PIGQ: variants seen among roughly 807,000 people sequenced by gnomAD.
PIGQ encodes the protein phosphatidylinositol glycan anchor biosynthesis class Q.
A neutral mutation model predicts 60.3 loss-of-function variants in PIGQ; 54 were observed. The observed-to-expected ratio is 0.90, with a 90% CI of 0.72 to 1.12. PIGQ has a LOEUF of 1.12. Among genes scored for constraint, PIGQ ranks in the 50% most tolerant of loss-of-function variants. The probability of loss-of-function intolerance (pLI) is 0.00; values close to 1 mark genes in which losing one functional copy is unlikely to be tolerated. For synonymous variants in PIGQ, 416 were observed against 363.7 expected (o/e 1.14, Z -1.64); for missense variants, 799 against 793.5 (o/e 1.01, Z -0.08).
chr16:574,883 C>G, intron 2 of PIGQ, 120 bp downstream of exon 2: 1 of 778,302 alleles, frequency 1.3e-6, no homozygotes, highest in Non-Finnish European at 2.0e-6. Context: ...GGCCCCCTCC[C>G]ACTCCTGCAG....
In PIGQ at chr16:583,698, C is replaced by T. The variant is rs775073778; in HGVS notation, c.*663C>T. ...GTGGGGGCGGGAGCAGCCTCAGTGT[C>T]AAGGGCCCGCCCACTGACCCAGCCG... is the stretch of plus-strand genomic sequence containing the variant. On this transcript the variant is annotated 3_prime_UTR_variant, in exon 11 of 11. Coordinates refer to ENST00000321878, the MANE Select transcript of PIGQ (RefSeq NM_004204.5). 1.3e-6 allele frequency: 2 copies of T among 1,565,452 alleles called. No individual in the cohort carries two copies. The highest frequency in any genetic ancestry group is 1.7e-6 in the Non-Finnish European group (2 of 1,143,116).
At chr16:578,062 C>T in intron 4 of PIGQ, 1 of 274,590 alleles carries the variant, frequency 3.6e-6, no homozygotes, top group South Asian at 4.7e-5. Flanking sequence ...CCGAGGGCTC[C>T]AGTGGGTCCT....
chr16:581,430 C>A, intron 9 of PIGQ: 1 of 932,106 alleles, frequency 1.1e-6, no homozygotes, highest in South Asian at 3.4e-5. Flanking sequence ...TCCCTGCTTG[C>A]CGGACACCTG....
In PIGQ at chr16:574,524, C is replaced by G. The variant is rs1376784112; in HGVS notation, c.450C>G (p.Arg150=). 6.2e-7 allele frequency: 1 copy of G among 1,607,060 alleles called. No individual in the cohort carries two copies. Among genetic ancestry groups the G allele is most frequent in the Non-Finnish European group, 8.5e-7 (1 of 1,177,636 alleles). The change falls in exon 2 of 11, where the codon CGC becomes CGG. Residue 150 remains arginine, a synonymous_variant. Coordinates refer to ENST00000321878, the MANE Select transcript of PIGQ (RefSeq NM_004204.5). ...ACCTGCCCACCGTCCTGCCCGACCG[C>G]CAGGCTGGAGCCACCACTGCCAGCA... The part of the protein sequence containing the change: ...QLHLPTVLPD[R]QAGATTASTG...
chr16:574,802 TC>T, intron 2 of PIGQ, 39 bp downstream of exon 2: 1 of 1,430,732 alleles, frequency 7.0e-7, no homozygotes. Flanking sequence ...AAGAGTGGGG[TC>T]CCATGAGTGC....
At chr16:574,941 G>A (rs1390959397) in intron 2 of PIGQ, among the ~76,000 whole-genome samples, 178 bp downstream of exon 2, 1 of 152,200 alleles carries the variant, frequency 6.6e-6, no homozygotes, top group Non-Finnish European at 1.5e-5. Context: ...CCTCTCAGAG[G>A]GTGTCCCTCA....
Position 583,347 on chromosome 16 carries a change from A to G in PIGQ, c.*312A>G, listed in dbSNP as rs774019728. The G allele has an allele frequency of 1.1e-5, 18 of 1,612,234 alleles. 1 individual carries two copies. The Admixed American group carries it at 2.0e-4, about 18-fold the overall frequency. On this transcript the variant is annotated 3_prime_UTR_variant, in exon 11 of 11. Transcript: ENST00000321878. ...GTGTCCAGAGCACTGCCCCATGCCCACCCTGTGTACCCAGGTCCAGAGGGT... is the reference window on the plus strand; with the variant it reads ...GTGTCCAGAGCACTGCCCCATGCCCGCCCTGTGTACCCAGGTCCAGAGGGT...
intron 9 of PIGQ, 139 bp from the exon 10 acceptor site, chr16:582,109 G>C (rs1365464262): frequency 1.4e-6 from 1 of 715,724 alleles, no homozygotes; most frequent in South Asian, 1.5e-5. Flanking sequence ...GGGCGACGGA[G>C]GGGGCGGGGA....
chr16:581,384 A>G (rs1392530843), intron 9 of PIGQ: 3 of 1,157,006 alleles, frequency 2.6e-6, no homozygotes, highest in South Asian at 1.8e-5. Flanking sequence ...CGTCCACTCA[A>G]CAGCACAGCC....
intron 2 of PIGQ, 94 bp downstream of exon 2, chr16:574,857 G>T: frequency 2.0e-6 from 2 of 1,018,108 alleles, no homozygotes; most frequent in East Asian, 2.6e-5. Flanking sequence ...GCCCAGATGC[G>T]CTCTTCCTGG....
chr16:571,075 G>C (rs1282108210), intron 1 of PIGQ, among the ~76,000 whole-genome samples: 15 of 13,316 alleles, frequency 1.1e-3, no homozygotes, highest in African/African-American at 4.7e-3. Flanking sequence ...GTGTGTGTGT[G>C]TGTGTGTGTG....
chr16:582,224 G>C, intron 9 of PIGQ, 24 bp from the exon 10 acceptor site: 1 of 1,529,546 alleles, frequency 6.5e-7, no homozygotes, highest in Non-Finnish European at 8.9e-7. Flanking sequence ...GCGTCCCCTC[G>C]TCAGCCGCTT....
chr16:583,315 A>T lies in PIGQ; in HGVS notation c.*280A>T, dbSNP rs369964314. On this transcript the variant is annotated 3_prime_UTR_variant, in exon 11 of 11. Coordinates refer to ENST00000321878, the MANE Select transcript of PIGQ (RefSeq NM_004204.5). ...GGTCACCATGGTGGCGAGCACAGCA[A>T]CCCCAGGTGTCCAGAGCACTGCCCC... is the stretch of plus-strand genomic sequence containing the variant. The T allele has an allele frequency of 6.2e-7, 1 of 1,612,484 alleles. No homozygotes were observed. Among genetic ancestry groups the T allele is most frequent in the Non-Finnish European group, 8.5e-7 (1 of 1,179,862 alleles).
intron 7 of PIGQ, 151 bp downstream of exon 7, chr16:579,331 T>C: frequency 3.1e-6 from 2 of 638,884 alleles, no homozygotes. Flanking sequence ...AAGTCTGCGG[T>C]GTGGGCTGCA....
chr16:573,247 C>T (rs1490547911), intron 1 of PIGQ, among the ~76,000 whole-genome samples: 1 of 152,234 alleles, frequency 6.6e-6, no homozygotes, highest in Non-Finnish European at 1.5e-5. Context: ...TTCTCCACAC[C>T]TCCGGGACCT....
In PIGQ at chr16:583,403, C is replaced by T. The variant is rs777412452; in HGVS notation, c.*368C>T. ...CACCACAGCAGCCCCAGGTGGAGGG[C>T]TGGTCTCCCTGGGGGCTCCCCAGTG... On this transcript the variant is annotated 3_prime_UTR_variant, in exon 11 of 11. Coordinates refer to ENST00000321878, the MANE Select transcript of PIGQ (RefSeq NM_004204.5). The T allele has an allele frequency of 6.2e-7, 1 of 1,612,766 alleles. No homozygotes were observed. The highest frequency in any genetic ancestry group is 1.7e-5 in the Admixed American group (1 of 60,026).
chr16:583,283 C>G lies in PIGQ; in HGVS notation c.*248C>G. 6.2e-7 allele frequency: 1 copy of G among 1,612,954 alleles called. No individual in the cohort carries two copies. The highest frequency in any genetic ancestry group is 8.5e-7 in the Non-Finnish European group (1 of 1,179,980). ...GCCTGCCTTGGGACCCGCTTCCCAC[C>G]TGCTGCGGTCACCATGGTGGCGAGC... On this transcript the variant is annotated 3_prime_UTR_variant, in exon 11 of 11. Transcript: ENST00000321878.
intron 8 of PIGQ, chr16:580,519 C>A (rs1006559610): frequency 4.2e-5 from 23 of 549,710 alleles, no homozygotes; most frequent in Non-Finnish European, 7.2e-5. Flanking sequence ...GGTGGGGTCA[C>A]GCAAGAGGCC....
At position 578,403 on chromosome 16, in the gene PIGQ, CTG is replaced by C. The variant is rs747661902; in HGVS notation, c.968_969del (p.Leu323ProfsTer119). On this transcript the variant is annotated frameshift_variant, in exon 5 of 11. Coordinates refer to ENST00000321878, the MANE Select transcript of PIGQ (RefSeq NM_004204.5). LOFTEE classifies it high-confidence loss of function. Reference protein sequence around the residue: ...ADHVAEELQHLLQWLMGAPAG... With the variant: ...ADHVAEELQHXLQWLMGAPAG... ...GCACGTGGCCGAGGAGCTCCAGCAT[CTG>C]CTGCAGTGGCTGATGGGTGCTCCCG... The C allele has an allele frequency of 2.4e-5, 39 of 1,611,790 alleles. No homozygotes were observed. The highest frequency in any genetic ancestry group is 1.7e-4 in the Middle Eastern group (1 of 6,042).
Sources: gnomAD v4.1 joint callset for allele counts (sites outside exome capture counted in the v4.1 genomes callset) on GRCh38, gnomAD v4.1.1 for gene constraint, MANE v1.5 for transcripts, NCBI Gene and HGNC (gene_info 2026-07-23, HGNC 2026-07-21) for gene names.